The following TCTA variants were observed in gnomAD, a reference collection of about 807,000 sequenced individuals.
The protein encoded by TCTA is T-cell leukemia translocation-altered gene protein.
A neutral mutation model predicts 13.5 loss-of-function variants in TCTA; 13 were observed. The ratio of observed to expected loss-of-function variants is 0.96; its 90% CI spans 0.63 to 1.53. The LOEUF (loss-of-function observed/expected upper bound fraction) is 1.53, where lower values mean the gene tolerates loss of function less well. TCTA is among the 40% of genes most tolerant of loss of function. The probability of loss-of-function intolerance (pLI) is 0.00; values close to 1 mark genes in which losing one functional copy is unlikely to be tolerated. For synonymous variants in TCTA, 58 were observed against 59.0 expected (o/e 0.98, Z 0.08); for missense variants, 138 against 131.3 (o/e 1.05, Z -0.25).
In TCTA at chr3:49,412,480, G is replaced by C; in HGVS notation, c.54G>C (p.Leu18=). ...TGCAGGCTCTGCCGGCCACGGTGCT[G>C]GGCGCGCTGGGCAGCGAGTTCTTGC... ...QALQALPATV[L]GALGSEFLRE... Residue 18 remains leucine, a synonymous_variant, in exon 1 of 3, where the codon CTG becomes CTC. Transcript: ENST00000273590. The C allele has an allele frequency of 6.2e-7, 1 of 1,613,886 alleles. No homozygotes were observed. The highest frequency in any genetic ancestry group is 8.5e-7 in the Non-Finnish European group (1 of 1,179,964).
At chr3:49,412,716 C>A in intron 1 of TCTA, 76 bp downstream of exon 1, 1 of 1,510,630 alleles carries the variant, frequency 6.6e-7, no homozygotes, top group South Asian at 1.2e-5. Context: ...TTGGGTTCCC[C>A]ACTATCCTGC....
intron 1 of TCTA, 101 bp from the exon 2 acceptor site, chr3:49,412,955 T>C: frequency 8.0e-7 from 1 of 1,257,574 alleles, no homozygotes; most frequent in Non-Finnish European, 1.1e-6. Flanking sequence ...CTCACCAGAC[T>C]TCACCAAACA....
intron 2 of TCTA, chr3:49,413,402 G>A: frequency 2.3e-6 from 1 of 438,744 alleles, no homozygotes; most frequent in Non-Finnish European, 4.2e-6. Context: ...CCCCTCAGTT[G>A]GGAAGGCAGT....
At position 49,415,758 on chromosome 3, in the gene TCTA, C is replaced by T. The variant is rs2048995114; in HGVS notation, c.*896C>T. On this transcript the variant is annotated 3_prime_UTR_variant, in exon 3 of 3. Coordinates refer to ENST00000273590, the MANE Select transcript of TCTA (RefSeq NM_022171.3). Reference sequence around the variant, plus strand: ...TCCAGATGGAGGCACCAAACACCCACATACCTGGCCCAACCAGACTTCTCC... The same window carrying T: ...TCCAGATGGAGGCACCAAACACCCATATACCTGGCCCAACCAGACTTCTCC... 2 of 152,356 alleles carry T rather than the reference C, an allele frequency of 1.3e-5. No individual in the cohort carries two copies. The highest frequency in any genetic ancestry group is 6.5e-5 in the Admixed American group (1 of 15,286). 9.4% of individuals were successfully genotyped at this position (152,356 alleles called of 1,614,324 possible). A position where few individuals can be genotyped will look rare whatever the true frequency, so the allele number is the denominator to read the frequency against.
chr3:49,412,447 G>C lies in TCTA; in HGVS notation c.21G>C (p.Gly7=). 6.2e-7 allele frequency: 1 copy of C among 1,611,438 alleles called. No individual in the cohort carries two copies. The highest frequency in any genetic ancestry group is 8.5e-7 in the Non-Finnish European group (1 of 1,179,770). Residue 7 remains glycine (G), a synonymous_variant, in exon 1 of 3, where the codon GGG becomes GGC. Transcript: ENST00000273590. ...CAGTCATGGCGGAGTCCTGGTCTGG[G>C]CAGGCCTTGCAGGCTCTGCCGGCCA... The part of the protein sequence containing the change: MAESWS[G]QALQALPATV...
At chr3:49,412,704 C>A (rs114287800) in intron 1 of TCTA, 64 bp downstream of exon 1, 27,990 of 1,557,702 alleles carry the variant, frequency 0.018, 311 homozygotes, top group Non-Finnish European at 0.022. Context: ...CCGACTGTAC[C>A]ATTGGGTTCC....
chr3:49,414,703 T>C (rs1389824241), intron 2 of TCTA, 117 bp from the exon 3 acceptor site: 1 of 1,258,940 alleles, frequency 7.9e-7, no homozygotes, highest in Non-Finnish European at 1.1e-6. Flanking sequence ...TCTAGATTGT[T>C]ATGTGACCTT....
In TCTA at chr3:49,414,896, T is replaced by G. The variant is rs2048988239; in HGVS notation, c.*34T>G. The G allele has an allele frequency of 6.2e-7, 1 of 1,613,550 alleles. No individual in the cohort carries two copies. The highest frequency in any genetic ancestry group is 8.5e-7 in the Non-Finnish European group (1 of 1,179,642). ...AGCAGAGGGTCTCCAAGGGCATCAC[T>G]GGGTCTGCTGGCTTCTACACTGGGT... is the stretch of plus-strand genomic sequence containing the variant. On this transcript the variant is annotated 3_prime_UTR_variant, in exon 3 of 3. Transcript: ENST00000273590.
At position 49,415,075 on chromosome 3, in the gene TCTA, C is replaced by T; in HGVS notation, c.*213C>T. The T allele has an allele frequency of 1.8e-6, 1 of 571,032 alleles. No homozygotes were observed. The highest frequency in any genetic ancestry group is 2.1e-5 in the South Asian group (1 of 46,976). 35.4% of individuals were successfully genotyped at this position (571,032 alleles called of 1,614,324 possible). A position where few individuals can be genotyped will look rare whatever the true frequency, so the allele number is the denominator to read the frequency against. ...GTGAAGAGTTTGCCTGTACTCTTAT[C>T]TGGGTGCCTTAAGGAGAGAGATTGT... is the stretch of plus-strand genomic sequence containing the variant. On this transcript the variant is annotated 3_prime_UTR_variant, in exon 3 of 3. Coordinates refer to ENST00000273590, the MANE Select transcript of TCTA (RefSeq NM_022171.3).
intron 1 of TCTA, 166 bp from the exon 2 acceptor site, chr3:49,412,890 A>G (rs750426414): frequency 4.0e-6 from 3 of 753,956 alleles, no homozygotes; most frequent in Non-Finnish European, 6.6e-6. Flanking sequence ...CACCCATCAC[A>G]TTGTATCTGT....
intron 2 of TCTA, 39 bp from the exon 3 acceptor site, chr3:49,414,781 G>A (rs1352024634): frequency 6.2e-7 from 1 of 1,613,094 alleles, no homozygotes; most frequent in Non-Finnish European, 8.5e-7. Flanking sequence ...TCTGCCCATG[G>A]AATAACCACT....
intron 2 of TCTA, chr3:49,413,397 C>T (rs2048973644): frequency 8.9e-6 from 4 of 450,792 alleles, no homozygotes; most frequent in Admixed American, 7.4e-5. Flanking sequence ...ACAATCCCCT[C>T]AGTTGGGAAG....
At chr3:49,412,943 C>A in intron 1 of TCTA, 113 bp from the exon 2 acceptor site, 2 of 1,080,802 alleles carry the variant, frequency 1.9e-6, no homozygotes, top group Non-Finnish European at 2.8e-6. Flanking sequence ...TCCCTTAGGA[C>A]CCTCACCAGA....
In TCTA at chr3:49,415,975, A is replaced by T. The variant is rs1433635957; in HGVS notation, c.*1113A>T. ...CCTCATAGGATGGTACCAAGCATTT[A>T]GTGCACAGTGGCCCCATCATAGCCT... On this transcript the variant is annotated 3_prime_UTR_variant, in exon 3 of 3. Transcript: ENST00000273590. 2.0e-5 allele frequency: 3 copies of T among 152,296 alleles called. No homozygotes were observed. In the East Asian group the frequency reaches 5.8e-4, roughly 29 times the overall value. The allele number at this position is 152,296 out of a possible 1,614,324, so 9.4% of individuals were successfully genotyped here.
Position 49,412,556 on chromosome 3 carries a change from C to A in TCTA, c.130C>A (p.Leu44Met), listed in dbSNP as rs764544359. ...CGTGACCCTCTTCAAGCTGCTGCTG[C>A]TGTGGTTGGTGTTAAGTCTCCTGGG... ...MRVTLFKLLL[L>M]WLVLSLLGIQ... The change falls in exon 1 of 3, where the codon CTG becomes ATG. Residue 44 changes from leucine to methionine, a missense_variant. By Grantham distance (15) the Leu-to-Met change is conservative. Transcript: ENST00000273590. The A allele has an allele frequency of 4.3e-6, 7 of 1,614,250 alleles. 1 individual carries two copies. In the South Asian group the frequency reaches 7.7e-5, roughly 18 times the overall value.
chr3:49,412,591 G>A lies in TCTA; in HGVS notation c.165G>A (p.Leu55=), dbSNP rs2048962988. The A allele has an allele frequency of 6.2e-7, 1 of 1,614,242 alleles. No individual in the cohort carries two copies. The highest frequency in any genetic ancestry group is 8.5e-7 in the Non-Finnish European group (1 of 1,180,034). The change falls in exon 1 of 3, where the codon CTG becomes CTA. Residue 55 remains leucine (L), a synonymous_variant. Coordinates refer to ENST00000273590, the MANE Select transcript of TCTA (RefSeq NM_022171.3). ...TGTTAAGTCTCCTGGGCATCCAGCT[G>A]GCGTGGGGGTTCTACGGGAATACAG... is the stretch of plus-strand genomic sequence containing the variant. The part of the protein sequence containing the change: ...WLVLSLLGIQ[L]AWGFYGNTVT...
At position 49,415,312 on chromosome 3, in the gene TCTA, C is replaced by T. The variant is rs550924016; in HGVS notation, c.*450C>T. On this transcript the variant is annotated 3_prime_UTR_variant, in exon 3 of 3. Coordinates refer to ENST00000273590, the MANE Select transcript of TCTA (RefSeq NM_022171.3). ...CAGGCAGATCACGAGGTCAGGAGTT[C>T]GAGACCAGCCTGACCAACATGGTGA... 1.2e-3 allele frequency: 182 copies of T among 157,174 alleles called. No individual in the cohort carries two copies. The highest frequency in any genetic ancestry group is 4.1e-3 in the African/African-American group (171 of 41,574). The allele number at this position is 157,174 out of a possible 1,614,324, so 9.7% of individuals were successfully genotyped here. A position where few individuals can be genotyped will look rare whatever the true frequency, so the allele number is the denominator to read the frequency against.
At position 49,414,839 on chromosome 3, in the gene TCTA, C is replaced by T. The variant is rs2048987497; in HGVS notation, c.289C>T (p.Pro97Ser). 1 of 1,613,912 alleles carries T rather than the reference C, an allele frequency of 6.2e-7. No homozygotes were observed. Among genetic ancestry groups the T allele is most frequent in the South Asian group, 1.1e-5 (1 of 91,074 alleles). ...TTTCAGGGAAATGGCAGCAAACGAACCTCTCAAAACCCACAGAGAATAAGG... is the reference window on the plus strand; with the variant it reads ...TTTCAGGGAAATGGCAGCAAACGAATCTCTCAAAACCCACAGAGAATAAGG... ...FPSWEMAANE[P>S]LKTHRE The change falls in exon 3 of 3, where the codon CCT (proline) becomes TCT (serine). Residue 97 changes from proline (P) to serine (S), a missense_variant. By Grantham distance (74) the Pro-to-Ser change is moderately conservative (BLOSUM62 -1). Coordinates refer to ENST00000273590, the MANE Select transcript of TCTA (RefSeq NM_022171.3).
chr3:49,413,064 G>A lies in TCTA; in HGVS notation c.223G>A (p.Gly75Ser), dbSNP rs142908910. Reference sequence around the variant, plus strand: ...TGTGTTTCTGCCTCCAGGTCTGGGTGGTCAGAATGGATCCACGCCTGATGG... The same window carrying A: ...TGTGTTTCTGCCTCCAGGTCTGGGTAGTCAGAATGGATCCACGCCTGATGG... The part of the protein sequence containing the change: ...TGLYHRPGLG[G>S]QNGSTPDGST... Residue 75 changes from glycine (G) to serine (S), a missense_variant, in exon 2 of 3, where the codon GGT (glycine) becomes AGT (serine). Coordinates refer to ENST00000273590, the MANE Select transcript of TCTA (RefSeq NM_022171.3). The A allele has an allele frequency of 1.9e-6, 3 of 1,614,048 alleles. No individual in the cohort carries two copies. In the African/African-American group the frequency reaches 4.0e-5, roughly 22 times the overall value.
Sources: allele counts gnomAD v4.1 joint callset, GRCh38; gene constraint gnomAD v4.1.1; transcripts MANE v1.5; gene names NCBI Gene and HGNC (gene_info 2026-07-23, HGNC 2026-07-21).